Variants in HMCN1 observed in about 807,000 individuals in gnomAD.
HMCN1 encodes hemicentin-1.
A neutral mutation model predicts 625.9 loss-of-function variants in HMCN1; 321 were observed. The ratio of observed to expected loss-of-function variants is 0.51; its 90% CI spans 0.47 to 0.56. The LOEUF (loss-of-function observed/expected upper bound fraction) is 0.56. Among genes scored for constraint, HMCN1 ranks in the 20% least tolerant of loss-of-function variants. HMCN1 has a pLI of 0.00. For missense variants in HMCN1, 6,588 were observed against 6,887.3 expected (o/e 0.96, Z 1.54); for synonymous variants, 2,425 against 2,417.6 (o/e 1.00, Z -0.09).
Position 185,990,357 on chromosome 1 carries a change from A to G in HMCN1, c.3291A>G (p.Val1097=), listed in dbSNP as rs1295502050. The G allele has an allele frequency of 9.3e-6, 15 of 1,613,352 alleles. No individual in the cohort carries two copies. The highest frequency in any genetic ancestry group is 1.3e-5 in the Non-Finnish European group (15 of 1,179,368). ...TCTCCGTCCTTGCAGGGGAAGAGGT[A>G]ACACTTCCATGTGAAGTGAAGAGCT... ...VEISVLAGEE[V]TLPCEVKSLP... The change falls in exon 22 of 107, where the codon GTA becomes GTG. Residue 1097 remains valine (V), a synonymous_variant. Coordinates refer to ENST00000271588, the MANE Select transcript of HMCN1 (RefSeq NM_031935.3).
intron 1 of HMCN1, among the ~76,000 whole-genome samples, chr1:185,797,628 T>C (rs760603722): frequency 6.6e-6 from 1 of 152,176 alleles, no homozygotes; most frequent in Non-Finnish European, 1.5e-5. Flanking sequence ...ATAATGTTAA[T>C]TGTTACCTAG....
chr1:186,052,142 AAGAGAGAG>A (rs146696201), intron 42 of HMCN1, among the ~76,000 whole-genome samples: 1 of 149,982 alleles, frequency 6.7e-6, no homozygotes, highest in African/African-American at 2.4e-5. Flanking sequence ...AGATGGTAAA[AAGAGAGAG>A]AGAGAGAGAG....
chr1:185,925,133 C>A lies in HMCN1; in HGVS notation c.1372C>A (p.Pro458Thr). The A allele has an allele frequency of 7.4e-6, 12 of 1,613,776 alleles. No individual in the cohort carries two copies. Among genetic ancestry groups the A allele is most frequent in the Non-Finnish European group, 1.0e-5 (12 of 1,179,764 alleles). ...QIPCSVDSLL[P>T]FTLSFVRNGV... ...TCCCTGCTCTGTTGACAGTCTTTTG[C>A]CCTTTACCTTGAGCTTTGTCAGAAA... is the stretch of plus-strand genomic sequence containing the variant. The change falls in exon 9 of 107, where the codon CCC becomes ACC. Residue 458 changes from proline to threonine, a missense_variant. Pro to Thr is a conservative substitution (Grantham distance 38). This residue lies in a region of HMCN1 where 4,628 missense variants were observed against 4,853.1 expected (regional missense o/e 0.95). Coordinates refer to ENST00000271588, the MANE Select transcript of HMCN1 (RefSeq NM_031935.3).
At chr1:186,095,671 G>A (rs1025230666) in intron 68 of HMCN1, 150 bp downstream of exon 68, 29 of 745,074 alleles carry the variant, frequency 3.9e-5, no homozygotes, top group Non-Finnish European at 5.9e-5. Context: ...AATTCACCTT[G>A]GCTTACTCTC....
chr1:186,093,030 T>C, intron 64 of HMCN1, 104 bp from the exon 65 acceptor site: 2 of 1,507,738 alleles, frequency 1.3e-6, no homozygotes, highest in South Asian at 2.3e-5. Flanking sequence ...GTTGGTTGCT[T>C]GAATTTTCCA....
At chr1:185,801,613 G>A (rs1451316995) in intron 1 of HMCN1, among the ~76,000 whole-genome samples, 1 of 152,194 alleles carries the variant, frequency 6.6e-6, no homozygotes, top group Non-Finnish European at 1.5e-5. Context: ...GTATGAACTA[G>A]TTCAATGATT....
At chr1:186,139,939 G>C (rs1440730308) in intron 89 of HMCN1, among the ~76,000 whole-genome samples, 1 of 151,854 alleles carries the variant, frequency 6.6e-6, no homozygotes, top group South Asian at 2.1e-4. Flanking sequence ...GAAAATCTCG[G>C]GGGCAGAAGA....
intron 38 of HMCN1, among the ~76,000 whole-genome samples, chr1:186,039,501 A>G (rs1199860327): frequency 1.3e-5 from 2 of 152,024 alleles, no homozygotes; most frequent in African/African-American, 4.8e-5. Context: ...AACTGGCAAA[A>G]CTTGTTTTTC....
rs1325552448 is a variant in HMCN1 at position 186,120,211 on chromosome 1, A to T, written c.12229+66A>T. 6 of 1,518,818 alleles carry T rather than the reference A, an allele frequency of 4.0e-6. No homozygotes were observed. In the African/African-American group the frequency reaches 8.3e-5, roughly 21 times the overall value. The allele number at this position is 1,518,818 out of a possible 1,614,324, so 94.1% of individuals were successfully genotyped here. The stretch of plus-strand genomic sequence containing the variant: ...TTGTAACAATGTCTACCAAATATTT[A>T]TATATCTAAAATGATTATGCTGCTG... On this transcript the variant is annotated intron_variant, in intron 80 of 106. Coordinates refer to ENST00000271588, the MANE Select transcript of HMCN1 (RefSeq NM_031935.3).
At chr1:186,059,186 G>A (rs1321268544) in intron 46 of HMCN1, among the ~76,000 whole-genome samples, 1 of 151,944 alleles carries the variant, frequency 6.6e-6, no homozygotes, top group East Asian at 1.9e-4. Context: ...TCCTTACTAT[G>A]ATGTTTTCAC....
chr1:186,178,886 C>G, intron 104 of HMCN1, 120 bp downstream of exon 104: 1 of 776,520 alleles, frequency 1.3e-6, no homozygotes, highest in Non-Finnish European at 2.3e-6. Context: ...TTCGGAATGA[C>G]TCAAAATTTC....
Position 186,120,208 on chromosome 1 carries a change from T to C in HMCN1, c.12229+63T>C, listed in dbSNP as rs1318531435. ...TGTTTGTAACAATGTCTACCAAATATTTATATATCTAAAATGATTATGCTG... is the reference window on the plus strand; with the variant it reads ...TGTTTGTAACAATGTCTACCAAATACTTATATATCTAAAATGATTATGCTG... On this transcript the variant is annotated intron_variant, in intron 80 of 106. Coordinates refer to ENST00000271588, the MANE Select transcript of HMCN1 (RefSeq NM_031935.3). The C allele has an allele frequency of 2.0e-6, 3 of 1,526,170 alleles. No individual in the cohort carries two copies. The East Asian group carries it at 7.1e-5, about 36-fold the overall frequency. The allele number at this position is 1,526,170 out of a possible 1,614,324, so 94.5% of individuals were successfully genotyped here.
chr1:185,916,208 C>A (rs536060696), intron 6 of HMCN1, among the ~76,000 whole-genome samples: 2 of 152,124 alleles, frequency 1.3e-5, no homozygotes, highest in African/African-American at 4.8e-5. Context: ...TGACACAATG[C>A]CTAGCTCACA....
At chr1:185,770,452 ATTC>A (rs1656165414) in intron 1 of HMCN1, among the ~76,000 whole-genome samples, 1 of 152,230 alleles carries the variant, frequency 6.6e-6, no homozygotes, top group South Asian at 2.1e-4. Context: ...AAAGATCCAG[ATTC>A]TATTGAAAAA....
chr1:185,969,861 A>AT (rs1490904447), intron 14 of HMCN1, among the ~76,000 whole-genome samples: 1 of 152,160 alleles, frequency 6.6e-6, no homozygotes, highest in Non-Finnish European at 1.5e-5. Context: ...GCCTAACCTA[A>AT]ATCATAGCTT....
intron 25 of HMCN1, among the ~76,000 whole-genome samples, chr1:185,999,584 G>A (rs116035120): frequency 0.013 from 2,023 of 152,106 alleles, 54 homozygotes; most frequent in African/African-American, 0.045. Context: ...TTTAAAAAAG[G>A]GAATTATAAA....
chr1:185,959,777 T>A (rs544847739), intron 11 of HMCN1, among the ~76,000 whole-genome samples: 27 of 146,162 alleles, frequency 1.8e-4, no homozygotes, highest in African/African-American at 7.1e-4. Flanking sequence ...ATTAGTACTA[T>A]TTTTTTTTCC....
At position 185,865,612 on chromosome 1, in the gene HMCN1, CACACACACACACACACACAT is replaced by C. The variant is rs1224046444; in HGVS notation, c.499-128_499-109del. The C allele has an allele frequency of 6.8e-5, 48 of 706,708 alleles. No homozygotes were observed. The African/African-American group carries it at 7.5e-4, about 11-fold the overall frequency. 43.8% of individuals were successfully genotyped at this position (706,708 alleles called of 1,614,324 possible). A position where few individuals can be genotyped will look rare whatever the true frequency, so the allele number is the denominator to read the frequency against. On this transcript the variant is annotated intron_variant, in intron 3 of 106. Coordinates refer to ENST00000271588, the MANE Select transcript of HMCN1 (RefSeq NM_031935.3). ...ACACACACACACACACACACACACA[CACACACACACACACACACAT>C]TCACATATTCTACTTGCCCAGTAAT... is the stretch of plus-strand genomic sequence containing the variant.
At chr1:186,041,990 A>G (rs1314830476) in intron 40 of HMCN1, among the ~76,000 whole-genome samples, 2 of 152,156 alleles carry the variant, frequency 1.3e-5, no homozygotes. Context: ...CTTCTCTTAT[A>G]AGTTTGCCAA....
Sources: allele counts gnomAD v4.1 joint callset (sites outside exome capture counted in the v4.1 genomes callset), GRCh38; gene constraint gnomAD v4.1.1; regional missense constraint gnomAD v4.1.1; transcripts MANE v1.5; gene names NCBI Gene and HGNC (gene_info 2026-07-23, HGNC 2026-07-21).